Variants in SLC6A9 observed in about 807,000 individuals in gnomAD.
SLC6A9 encodes sodium- and chloride-dependent glycine transporter 1.
In SLC6A9, 31 loss-of-function variants were observed where a neutral mutation model predicts 70.9. The observed-to-expected ratio is 0.44, with a 90% CI of 0.33 to 0.59. The LOEUF (loss-of-function observed/expected upper bound fraction) is 0.59, where lower values mean the gene tolerates loss of function less well. Ranked by LOEUF, SLC6A9 falls within the 20% of genes least tolerant of loss-of-function variation. SLC6A9 has a pLI of 0.04. For missense variants in SLC6A9, 631 were observed against 845.2 expected (o/e 0.75, Z 3.14); for synonymous variants, 310 against 341.3 (o/e 0.91, Z 1.01).
At chr1:44,017,367 C>A (rs199831636) in intron 2 of SLC6A9, 1,582 of 1,162,708 alleles carry the variant, frequency 1.4e-3, no homozygotes, top group Non-Finnish European at 1.6e-3. Context: ...GTAACTGGAA[C>A]AACACACACA....
chr1:44,030,969 C>T (rs2087103600), intron 1 of SLC6A9, among the ~76,000 whole-genome samples: 1 of 152,120 alleles, frequency 6.6e-6, no homozygotes, highest in South Asian at 2.1e-4. Context: ...CCCGCCGCCC[C>T]CGATCGAACC....
In SLC6A9 at chr1:44,008,532, G is replaced by A; in HGVS notation, c.411C>T (p.Ser137=). 4 of 1,614,148 alleles carry A rather than the reference G, an allele frequency of 2.5e-6. No homozygotes were observed. Among genetic ancestry groups the A allele is most frequent in the Non-Finnish European group, 2.5e-6 (3 of 1,180,038 alleles). ...ICIAFYYFFS[S]MTHVLPWAYC... ...AGGCCCAGGGCAGCACGTGCGTCAT[G>A]GACGAGAAGAAGTAGTAGAAGGCGA... The change falls in exon 5 of 14, where the codon TCC becomes TCT. Residue 137 remains serine, a synonymous_variant. Transcript: ENST00000372310.
Position 44,001,068 on chromosome 1 carries a change from G to T in SLC6A9, c.1336-13C>A. Reference sequence around the variant, plus strand: ...AATAGATGCCTGCCTGGGGAACAGCGGGCAGCTGTGGGAGGCGCCTGCAGC... The same window carrying T: ...AATAGATGCCTGCCTGGGGAACAGCTGGCAGCTGTGGGAGGCGCCTGCAGC... On this transcript the variant is annotated splice_polypyrimidine_tract_variant and intron_variant, in intron 10 of 13. Coordinates refer to ENST00000372310, the MANE Select transcript of SLC6A9 (RefSeq NM_001024845.3). 1 of 1,594,370 alleles carries T rather than the reference G, an allele frequency of 6.3e-7. No individual in the cohort carries two copies. Among genetic ancestry groups the T allele is most frequent in the South Asian group, 1.1e-5 (1 of 88,206 alleles).
rs200831315 is a variant in SLC6A9, at chr1:44,010,738, G to A, written c.175C>T (p.Arg59Cys). Residue 59 changes from arginine (R) to cysteine (C), a missense_variant, in exon 3 of 14, where the codon CGC becomes TGC. Coordinates refer to ENST00000372310, the MANE Select transcript of SLC6A9 (RefSeq NM_001024845.3). The part of the protein sequence containing the change: ...NVWRFPYLCY[R>C]NGGGAFMFPY... ...GCCCACTGGGTACCTCCCCCGTTGCGATAGCAGAGGTATGGGAAGCGCCAG... is the reference window on the plus strand; with the variant it reads ...GCCCACTGGGTACCTCCCCCGTTGCAATAGCAGAGGTATGGGAAGCGCCAG... 20 of 1,613,548 alleles carry A rather than the reference G, an allele frequency of 1.2e-5. No homozygotes were observed. The highest frequency in any genetic ancestry group is 1.6e-4 in the Middle Eastern group (1 of 6,072).
At chr1:44,026,657 TA>T (rs1299068646) in intron 1 of SLC6A9, among the ~76,000 whole-genome samples, 627 of 130,468 alleles carry the variant, frequency 4.8e-3, no homozygotes, top group African/African-American at 7.1e-3. Flanking sequence ...AGACATTGTC[TA>T]AAAAAAAAAA....
chr1:44,009,018 C>T (rs1307876207), intron 4 of SLC6A9, among the ~76,000 whole-genome samples: 2 of 129,950 alleles, frequency 1.5e-5, no homozygotes, highest in Non-Finnish European at 3.2e-5. Flanking sequence ...CCGCGCCCGG[C>T]CTTTTTTTTT....
At chr1:44,028,841 A>G (rs552201139) in intron 1 of SLC6A9, among the ~76,000 whole-genome samples, 24 of 152,328 alleles carry the variant, frequency 1.6e-4, no homozygotes, top group African/African-American at 5.1e-4. Flanking sequence ...GGAAGGAGCC[A>G]GGCCAAAAAT....
rs201482572 is a variant in SLC6A9 at position 43,996,601 on chromosome 1, C to T, written c.*944G>A. On this transcript the variant is annotated 3_prime_UTR_variant, in exon 14 of 14. Transcript: ENST00000372310. ...TACAGAGGATTAGAGGTGGCTTGGC[C>T]GGGGCTGTCACTGCACAGAGGACGG... The T allele has an allele frequency of 7.1e-5, 12 of 169,536 alleles. No homozygotes were observed. Among genetic ancestry groups the T allele is most frequent in the South Asian group, 1.7e-4 (1 of 5,838 alleles). The allele number at this position is 169,536 out of a possible 1,614,324, so 10.5% of individuals were successfully genotyped here.
At chr1:44,011,165 G>A (rs1287876274) in intron 2 of SLC6A9, among the ~76,000 whole-genome samples, 1 of 152,218 alleles carries the variant, frequency 6.6e-6, no homozygotes, top group Admixed American at 6.5e-5. Context: ...GCGGGACACT[G>A]AAGAGGGAGC....
Position 44,002,949 on chromosome 1 carries a change from G to C in SLC6A9, c.627C>G (p.Asn209Lys). ...GGAGGGGCAGCCGCACCTCCCCAAA[G>C]TTCCCAATGTCATCTGACAGCTTCA... ...YVLKLSDDIG[N>K]FGEVRLPLLG... The change falls in exon 6 of 14, where the codon AAC becomes AAG. Residue 209 changes from asparagine (N) to lysine (K), a missense_variant. Physicochemically the swap from Asn to Lys is moderately conservative, Grantham distance 94 (BLOSUM62 0). Transcript: ENST00000372310. The surrounding 1 kb of genome is among the most constrained non-coding windows in gnomAD (Gnocchi z 5.5). 7 of 1,614,112 alleles carry C rather than the reference G, an allele frequency of 4.3e-6. No homozygotes were observed. The highest frequency in any genetic ancestry group is 5.9e-6 in the Non-Finnish European group (7 of 1,179,994).
At chr1:44,006,976 A>G (rs560965500) in intron 5 of SLC6A9, among the ~76,000 whole-genome samples, 1 of 152,284 alleles carries the variant, frequency 6.6e-6, no homozygotes, top group East Asian at 1.9e-4. Flanking sequence ...GAAAAGCCTC[A>G]AACCCTTAGC....
intron 8 of SLC6A9, 47 bp from the exon 9 acceptor site, chr1:44,001,674 GC>G (rs751180304): frequency 6.9e-6 from 10 of 1,454,110 alleles, no homozygotes; most frequent in Non-Finnish European, 9.5e-6. Context: ...CCCAATTTGG[GC>G]CAAGAGGAGA....
At chr1:44,028,152 G>C (rs1037235131) in intron 1 of SLC6A9, among the ~76,000 whole-genome samples, 5 of 152,152 alleles carry the variant, frequency 3.3e-5, no homozygotes, top group African/African-American at 1.2e-4. Context: ...GCAATAATGA[G>C]GAAGAGAAGA....
chr1:44,017,710 A>G (rs1213526784), intron 2 of SLC6A9, among the ~76,000 whole-genome samples: 4 of 152,228 alleles, frequency 2.6e-5, no homozygotes, highest in African/African-American at 9.6e-5. Flanking sequence ...CCAAACTGCC[A>G]GGGTGATGGG....
At chr1:44,030,220 C>A (rs2087076099) in intron 1 of SLC6A9, among the ~76,000 whole-genome samples, 1 of 152,190 alleles carries the variant, frequency 6.6e-6, no homozygotes. Context: ...TGGGGCGCGT[C>A]CGCTTTAATC....
At chr1:44,019,341 T>C (rs927444621) in intron 2 of SLC6A9, among the ~76,000 whole-genome samples, 1 of 152,330 alleles carries the variant, frequency 6.6e-6, no homozygotes, top group Non-Finnish European at 1.5e-5. Flanking sequence ...CATGTTGGTT[T>C]GGGGAAGATG....
chr1:44,010,613 G>T, intron 3 of SLC6A9, 113 bp downstream of exon 3: 3 of 1,097,146 alleles, frequency 2.7e-6, no homozygotes, highest in Non-Finnish European at 2.6e-6. Context: ...GGAGGCCAGG[G>T]CCAGAGGCCA....
intron 2 of SLC6A9, among the ~76,000 whole-genome samples, chr1:44,022,301 G>C (rs543557681): frequency 6.6e-6 from 1 of 152,292 alleles, no homozygotes; most frequent in East Asian, 1.9e-4. Context: ...GGAGGACTCA[G>C]AGGTTTCATG....
chr1:44,023,983 C>G (rs1251118642), intron 2 of SLC6A9, among the ~76,000 whole-genome samples: 1 of 152,264 alleles, frequency 6.6e-6, no homozygotes, highest in Non-Finnish European at 1.5e-5. Flanking sequence ...ATATGAGTGG[C>G]CTCCTTCTGT....
Sources: allele counts gnomAD v4.1 joint callset (sites outside exome capture counted in the v4.1 genomes callset), GRCh38; gene constraint gnomAD v4.1.1; non-coding constraint Gnocchi (gnomAD v3.1); transcripts MANE v1.5; gene names NCBI Gene and HGNC (gene_info 2026-07-23, HGNC 2026-07-21).